Variants in SEM1 observed in about 807,000 individuals in gnomAD.
SEM1 encodes 26S proteasome complex subunit SEM1.
SEM1 carries 3 observed loss-of-function variants against 12.7 expected under a neutral mutation model. That is an observed-to-expected ratio of 0.24 (90% CI 0.11 to 0.61). SEM1 has a LOEUF of 0.61. Among genes scored for constraint, SEM1 ranks in the 20% least tolerant of loss-of-function variants. The pLI is 0.88. For synonymous variants in SEM1, 30 were observed against 27.8 expected (o/e 1.08, Z -0.25); for missense variants, 59 against 81.3 (o/e 0.73, Z 1.06).
intron 2 of SEM1, among the ~76,000 whole-genome samples, chr7:96,613,176 T>C (rs539178993): frequency 2.6e-5 from 4 of 152,328 alleles, no homozygotes; most frequent in African/African-American, 9.6e-5. Context: ...TATAACTCTA[T>C]ATATTGTAGA....
At chr7:96,488,610 C>T (rs1013489358) in intron 1 of SEM1, among the ~76,000 whole-genome samples, 3 of 151,962 alleles carry the variant, frequency 2.0e-5, no homozygotes, top group Admixed American at 6.6e-5. Context: ...ATCAAGGAAA[C>T]AAATAAAAAT....
intron 2 of SEM1, among the ~76,000 whole-genome samples, chr7:96,583,323 TG>T (rs1806485420): frequency 1.4e-5 from 2 of 145,414 alleles, no homozygotes; most frequent in South Asian, 4.9e-4. Context: ...TTGATTGCAC[TG>T]TGGTCTGAGA....
exon 4 of SEM1, chr7:96,482,802 G>T (rs1262563605): frequency 2.0e-5 from 3 of 152,176 alleles, no homozygotes; most frequent in Admixed American, 6.6e-5. Context: ...TATAGCCGAG[G>T]CACAGTGTTA....
At chr7:96,588,378 ACACACACACACACACACAC>A (rs1318302406) in intron 2 of SEM1, among the ~76,000 whole-genome samples, 1 of 122,780 alleles carries the variant, frequency 8.1e-6, no homozygotes, top group African/African-American at 3.1e-5. Flanking sequence ...ACACACACAC[ACACACACACACACACACAC>A]GAGAGAGAGA....
At chr7:96,608,442 C>CATA (rs1200108868) in intron 2 of SEM1, among the ~76,000 whole-genome samples, 1 of 151,888 alleles carries the variant, frequency 6.6e-6, no homozygotes, top group African/African-American at 2.4e-5. Flanking sequence ...ATTTATATAC[C>CATA]ATAATTCACC....
At chr7:96,486,103 G>A in intron 2 of SEM1, 1 of 800,724 alleles carries the variant, frequency 1.2e-6, no homozygotes, top group Non-Finnish European at 2.0e-6. Flanking sequence ...ATGTCACAAT[G>A]TTGCTGGCCT....
intron 2 of SEM1, among the ~76,000 whole-genome samples, chr7:96,554,825 C>T (rs970573007): frequency 2.0e-5 from 3 of 151,392 alleles, no homozygotes; most frequent in Non-Finnish European, 4.4e-5. Context: ...CTATCTGGTC[C>T]TAGACTCTTT....
intron 2 of SEM1, chr7:96,486,124 T>C (rs1290413224): frequency 3.0e-6 from 3 of 999,172 alleles, no homozygotes; most frequent in Non-Finnish European, 4.4e-6. Context: ...TTAGTTTTAG[T>C]ATCTGGTGTC....
At chr7:96,534,004 C>A (rs578016075) in intron 2 of SEM1, among the ~76,000 whole-genome samples, 2 of 152,108 alleles carry the variant, frequency 1.3e-5, no homozygotes, top group East Asian at 3.9e-4. Context: ...GAGAGGTATA[C>A]GTAAAGCACT....
intron 2 of SEM1, among the ~76,000 whole-genome samples, chr7:96,593,776 T>C (rs1806909502): frequency 6.6e-6 from 1 of 152,192 alleles, no homozygotes. Flanking sequence ...GGAAAAAGAA[T>C]GACTGATATG....
chr7:96,581,631 T>C (rs1287594198), intron 2 of SEM1, among the ~76,000 whole-genome samples: 1 of 152,192 alleles, frequency 6.6e-6, no homozygotes, highest in African/African-American at 2.4e-5. Context: ...TTTCTTTCTA[T>C]CCTCTTTTAT....
exon 4 of SEM1, chr7:96,483,068 C>T (rs1802608721): frequency 6.6e-6 from 1 of 152,068 alleles, no homozygotes; most frequent in African/African-American, 2.4e-5. Flanking sequence ...TGTCCATTTC[C>T]TTTGTGTTAG....
At chr7:96,702,984 T>C (rs556296234) in intron 1 of SEM1, among the ~76,000 whole-genome samples, 31 of 152,240 alleles carry the variant, frequency 2.0e-4, no homozygotes, top group African/African-American at 7.2e-4. Context: ...TAAGGAAGAC[T>C]AAAGAGACAG....
chr7:96,565,237 A>G (rs999673889), intron 2 of SEM1, among the ~76,000 whole-genome samples: 8 of 152,062 alleles, frequency 5.3e-5, no homozygotes, highest in African/African-American at 1.4e-4. Context: ...CATTCCATAT[A>G]CTAAAAGTCC....
intron 2 of SEM1, among the ~76,000 whole-genome samples, chr7:96,547,198 G>A (rs1051341514): frequency 2.0e-5 from 3 of 152,130 alleles, no homozygotes; most frequent in African/African-American, 7.2e-5. Context: ...TTTTAGAATT[G>A]ATGCTTCTTA....
intron 2 of SEM1, among the ~76,000 whole-genome samples, chr7:96,667,817 A>G (rs1789210640): frequency 1.3e-5 from 2 of 152,218 alleles, no homozygotes; most frequent in Non-Finnish European, 2.9e-5. Context: ...AAAATATTGT[A>G]AAGAATATAG....
chr7:96,551,877 G>A (rs1004883900), intron 2 of SEM1, among the ~76,000 whole-genome samples: 1 of 152,094 alleles, frequency 6.6e-6, no homozygotes, highest in African/African-American at 2.4e-5. Context: ...CCTCTGGAAG[G>A]AACCAGCCCT....
chr7:96,603,017 T>C (rs1323847869), intron 2 of SEM1, among the ~76,000 whole-genome samples: 2 of 152,198 alleles, frequency 1.3e-5, no homozygotes, highest in Non-Finnish European at 1.5e-5. Flanking sequence ...TGTGCCTTCA[T>C]AGCAGCATAA....
chr7:96,483,717 C>G, exon 4 of SEM1: 1 of 1,082,594 alleles, frequency 9.2e-7, no homozygotes, highest in Non-Finnish European at 1.4e-6. Context: ...TGTGACCCAC[C>G]CAGCCACACA....
Sources: allele counts gnomAD v4.1 joint callset (sites outside exome capture counted in the v4.1 genomes callset), GRCh38; gene constraint gnomAD v4.1.1; transcripts MANE v1.5; gene names NCBI Gene and HGNC (gene_info 2026-07-23, HGNC 2026-07-21).